MRAP2: variants seen among roughly 807,000 people sequenced by gnomAD.
MRAP2 encodes melanocortin-2 receptor accessory protein 2.
MRAP2 carries 20 observed loss-of-function variants against 17.4 expected under a neutral mutation model. The observed-to-expected ratio is 1.15, with a 90% confidence interval of 0.81 to 1.67. MRAP2 has a LOEUF of 1.67. MRAP2 is among the 40% of genes most tolerant of loss of function. The probability of loss-of-function intolerance (pLI) is 0.00; values close to 1 mark genes in which losing one functional copy is unlikely to be tolerated. For missense variants in MRAP2, 238 were observed against 240.0 expected, an observed-to-expected ratio of 0.99 and a Z score of 0.05; for synonymous variants, 96 against 88.4, an observed-to-expected ratio of 1.09 and a Z score of -0.48.
intron 2 of MRAP2, among the ~76,000 whole-genome samples, chr6:84,060,916 G>A (rs1019369352): frequency 6.8e-6 from 1 of 148,062 alleles, no homozygotes; most frequent in Non-Finnish European, 1.5e-5. Context: ...AGCCAGGATG[G>A]TTTTGATCTC....
chr6:84,093,128 A>G (rs748164358), downstream of MRAP2, among the ~76,000 whole-genome samples: 7 of 152,162 alleles, frequency 4.6e-5, no homozygotes, highest in Non-Finnish European at 1.0e-4. Context: ...GATAGCCTTC[A>G]TTTATCTTGC....
intron 3 of MRAP2, among the ~76,000 whole-genome samples, chr6:84,078,048 G>A (rs1283932662): frequency 6.6e-6 from 1 of 152,184 alleles, no homozygotes; most frequent in Admixed American, 6.5e-5. Flanking sequence ...ATGGTTAGAA[G>A]AAAGCATAGG....
rs201083651 is a variant in MRAP2, at chr6:84,055,479, A to T, written c.127+34A>T. The T allele has an allele frequency of 2.4e-5, 39 of 1,599,822 alleles. No homozygotes were observed. The South Asian group carries it at 3.7e-4, about 15-fold the overall frequency. ...TATACAATTCCTCATTGAAAGCATAATTGTATTTCTCTTAACCTGTGAAAT... is the reference window on the plus strand; with the variant it reads ...TATACAATTCCTCATTGAAAGCATATTTGTATTTCTCTTAACCTGTGAAAT... On this transcript the variant is annotated intron_variant, in intron 2 of 3. Coordinates refer to ENST00000257776, the MANE Select transcript of MRAP2 (RefSeq NM_138409.4).
chr6:84,046,827 A>G (rs917326060), intron 1 of MRAP2, among the ~76,000 whole-genome samples: 3 of 149,192 alleles, frequency 2.0e-5, no homozygotes, highest in Admixed American at 6.7e-5. Flanking sequence ...GGAAGTGGCT[A>G]GTGTGTTTCC....
At chr6:84,128,038 T>C in the MRAP2 span, among the ~76,000 whole-genome samples, 1 of 152,224 alleles carries the variant, frequency 6.6e-6, no homozygotes, top group South Asian at 2.1e-4. Context: ...ACTCCTCACA[T>C]AAAATGTAAG....
At position 84,062,549 on chromosome 6, in the gene MRAP2, T is replaced by G. The variant is rs1010840505; in HGVS notation, c.128-344T>G. 4 of 985,230 alleles carry G rather than the reference T, an allele frequency of 4.1e-6. No individual in the cohort carries two copies. In the African/African-American group the frequency reaches 7.0e-5, roughly 17 times the overall value. 61.0% of individuals were successfully genotyped at this position (985,230 alleles called of 1,614,324 possible). ...CAAATGCACTTAAAACTTGAGTTGA[T>G]AGTCTGCTAAAAATTTTATTTTCTA... On this transcript the variant is annotated intron_variant, in intron 2 of 3. Coordinates refer to ENST00000257776, the MANE Select transcript of MRAP2 (RefSeq NM_138409.4).
the MRAP2 span, among the ~76,000 whole-genome samples, chr6:84,105,311 G>A: frequency 1.3e-5 from 2 of 152,286 alleles, no homozygotes; most frequent in East Asian, 3.9e-4. Context: ...AAAGAAAGAG[G>A]TTTAATTGGA....
At chr6:84,116,267 G>A in the MRAP2 span, among the ~76,000 whole-genome samples, 1 of 152,094 alleles carries the variant, frequency 6.6e-6, no homozygotes, top group Non-Finnish European at 1.5e-5. Context: ...CATTTGTTGT[G>A]TGAGGGACCT....
the MRAP2 span, among the ~76,000 whole-genome samples, chr6:84,134,421 T>C: frequency 6.6e-6 from 1 of 152,166 alleles, no homozygotes; most frequent in Non-Finnish European, 1.5e-5. Flanking sequence ...GCTAGCTCAG[T>C]GTCTGCCCAA....
chr6:84,069,370 A>G (rs769719011), intron 3 of MRAP2, among the ~76,000 whole-genome samples: 1 of 151,778 alleles, frequency 6.6e-6, no homozygotes, highest in African/African-American at 2.4e-5. Flanking sequence ...TTTGTTTTTT[A>G]TTCTGTTAAT....
chr6:84,083,144 C>CA (rs1159761785), intron 3 of MRAP2, among the ~76,000 whole-genome samples: 2 of 152,100 alleles, frequency 1.3e-5, no homozygotes, highest in East Asian at 1.9e-4. Flanking sequence ...TGGCGACTGG[C>CA]AAAAAAACAA....
At chr6:84,131,152 T>C in the MRAP2 span, among the ~76,000 whole-genome samples, 2 of 152,218 alleles carry the variant, frequency 1.3e-5, no homozygotes, top group Non-Finnish European at 2.9e-5. Flanking sequence ...AGTTTCCATG[T>C]AGTTGTGCAG....
intron 3 of MRAP2, among the ~76,000 whole-genome samples, chr6:84,065,046 A>G (rs2099494283): frequency 6.6e-6 from 1 of 152,206 alleles, no homozygotes; most frequent in Non-Finnish European, 1.5e-5. Flanking sequence ...ACAGTTCTGG[A>G]GGTCGAAGTG....
At chr6:84,108,605 A>G in the MRAP2 span, among the ~76,000 whole-genome samples, 2 of 152,192 alleles carry the variant, frequency 1.3e-5, no homozygotes, top group Admixed American at 6.5e-5. Context: ...CCAATTGCCA[A>G]AAATCTTCTC....
At chr6:84,136,448 T>C in the MRAP2 span, among the ~76,000 whole-genome samples, 1 of 152,330 alleles carries the variant, frequency 6.6e-6, no homozygotes, top group Admixed American at 6.5e-5. Flanking sequence ...AGCCCACTCC[T>C]GTGATAACTA....
At chr6:84,048,052 A>G (rs1562873369) in intron 1 of MRAP2, among the ~76,000 whole-genome samples, 1 of 152,184 alleles carries the variant, frequency 6.6e-6, no homozygotes, top group East Asian at 1.9e-4. Context: ...CCTTTTGGCT[A>G]TTGTAAATAA....
chr6:84,065,026 C>T (rs1049345759), intron 3 of MRAP2, among the ~76,000 whole-genome samples: 1 of 152,236 alleles, frequency 6.6e-6, no homozygotes, highest in Non-Finnish European at 1.5e-5. Context: ...GGCTCATGCC[C>T]GTAATCCCAA....
chr6:84,054,711 C>CT (rs1365945800), intron 1 of MRAP2, among the ~76,000 whole-genome samples: 3 of 152,174 alleles, frequency 2.0e-5, no homozygotes, highest in African/African-American at 7.2e-5. Flanking sequence ...CCTGAACATT[C>CT]TTTCTTCTTA....
chr6:84,133,671 G>C, the MRAP2 span, among the ~76,000 whole-genome samples: 3 of 152,202 alleles, frequency 2.0e-5, no homozygotes, highest in Non-Finnish European at 2.9e-5. Context: ...AGCCATGCGC[G>C]GGATATAATG....
Sources: gnomAD v4.1 joint callset for allele counts (sites outside exome capture counted in the v4.1 genomes callset) on GRCh38, gnomAD v4.1.1 for gene constraint, MANE v1.5 for transcripts, NCBI Gene and HGNC (gene_info 2026-07-23, HGNC 2026-07-21) for gene names.